CNOT4: variants seen among roughly 807,000 people sequenced by gnomAD.
The protein encoded by CNOT4 is CCR4-NOT transcription complex subunit 4.
A neutral mutation model predicts 73.8 loss-of-function variants in CNOT4; 8 were observed. The ratio of observed to expected loss-of-function variants is 0.11; its 90% CI spans 0.06 to 0.20. The LOEUF (loss-of-function observed/expected upper bound fraction) is 0.20, where lower values mean the gene tolerates loss of function less well. Among genes scored for constraint, CNOT4 ranks in the 10% least tolerant of loss-of-function variants. The pLI, the probability that CNOT4 is intolerant of heterozygous loss-of-function variation, is 1.00. For missense variants in CNOT4, 564 were observed against 883.4 expected, an observed-to-expected ratio of 0.64 and a Z score of 4.58; for synonymous variants, 293 against 321.1, an observed-to-expected ratio of 0.91 and a Z score of 0.94.
At chr7:135,480,569 C>G (rs1327904326) in intron 1 of CNOT4, among the ~76,000 whole-genome samples, 3 of 151,980 alleles carry the variant, frequency 2.0e-5, no homozygotes, top group Non-Finnish European at 4.4e-5. Context: ...GTATTTTTTT[C>G]TTTAAGAGAT....
chr7:135,466,865 T>C (rs1321832575), intron 1 of CNOT4, among the ~76,000 whole-genome samples: 3 of 152,232 alleles, frequency 2.0e-5, no homozygotes, highest in African/African-American at 7.2e-5. Context: ...GCATAGACTA[T>C]ACCAAATAGC....
In CNOT4 at chr7:135,393,946, G is replaced by T; in HGVS notation, c.1599C>A (p.Asn533Lys). ...CTACAGGGATCCCTCCCAGACCTGT[G>T]TTGTGCTGTGGCGGGAGATTCAAGT... ...FLDLNLPPQH[N>K]TGLGGIPVAD... Residue 533 changes from asparagine (N) to lysine (K), a missense_variant, in exon 10 of 12, where the codon AAC (asparagine) becomes AAA (lysine). Around this residue, in one of 10 missense-constraint regions of CNOT4, gnomAD observed 153 missense variants for 158.7 expected, o/e 0.96. Transcript: ENST00000541284. The T allele has an allele frequency of 6.2e-7, 1 of 1,613,206 alleles. No individual in the cohort carries two copies. The highest frequency in any genetic ancestry group is 8.5e-7 in the Non-Finnish European group (1 of 1,179,180).
chr7:135,423,593 A>C (rs1473302506), intron 2 of CNOT4, among the ~76,000 whole-genome samples: 1 of 152,136 alleles, frequency 6.6e-6, no homozygotes, highest in Non-Finnish European at 1.5e-5. Context: ...GAGGTCTCCA[A>C]GAACCCTATT....
chr7:135,417,320 C>G (rs184178621), intron 3 of CNOT4, among the ~76,000 whole-genome samples: 1 of 152,300 alleles, frequency 6.6e-6, no homozygotes, highest in East Asian at 1.9e-4. Flanking sequence ...CCTTGAATAG[C>G]AAGGTTCTAG....
chr7:135,375,105 G>A (rs1327211072), intron 10 of CNOT4, among the ~76,000 whole-genome samples: 1 of 152,078 alleles, frequency 6.6e-6, no homozygotes, highest in Non-Finnish European at 1.5e-5. Flanking sequence ...ATAAACATAA[G>A]GGAAAATACA....
chr7:135,433,182 C>T (rs567006009), intron 2 of CNOT4, among the ~76,000 whole-genome samples: 15 of 152,220 alleles, frequency 9.9e-5, no homozygotes, highest in African/African-American at 3.6e-4. Flanking sequence ...CTCAGATGAA[C>T]TTAATCTCTT....
At chr7:135,439,613 C>T (rs561379088) in intron 1 of CNOT4, among the ~76,000 whole-genome samples, 1 of 152,096 alleles carries the variant, frequency 6.6e-6, no homozygotes, top group South Asian at 2.1e-4. Flanking sequence ...GCCCTCATGT[C>T]TATAACAAAT....
At position 135,364,059 on chromosome 7, in the gene CNOT4, G is replaced by T; in HGVS notation, c.1635C>A (p.Ser545Arg). ...GLGGIPVADN[S>R]SSVESLNMKE... Reference sequence around the variant, plus strand: ...TCATATTTAAACTCTCTACAGAACTGCTGTTGTCTGGGAGATTTACCAACA... The same window carrying T: ...TCATATTTAAACTCTCTACAGAACTTCTGTTGTCTGGGAGATTTACCAACA... Residue 545 changes from serine (S) to arginine (R), a missense_variant, in exon 11 of 12, where the codon AGC becomes AGA. Ser to Arg is a moderately radical substitution (Grantham distance 110, BLOSUM62 -1). Coordinates refer to ENST00000541284, the MANE Select transcript of CNOT4 (RefSeq NM_001190850.2). This position sits in a 1 kb window ranked among gnomAD's most constrained non-coding sequence, Gnocchi z 4.3. 6.3e-7 allele frequency: 1 copy of T among 1,579,498 alleles called. No homozygotes were observed. Among genetic ancestry groups the T allele is most frequent in the Non-Finnish European group, 8.6e-7 (1 of 1,169,170 alleles).
intron 1 of CNOT4, among the ~76,000 whole-genome samples, chr7:135,449,724 T>G (rs907321172): frequency 1.3e-5 from 2 of 151,716 alleles, no homozygotes; most frequent in African/African-American, 4.8e-5. Context: ...AGTAAAATTA[T>G]AAAAAGACAT....
chr7:135,397,535 G>A (rs1465344524), intron 8 of CNOT4, among the ~76,000 whole-genome samples: 7 of 151,522 alleles, frequency 4.6e-5, no homozygotes, highest in East Asian at 1.9e-4. Context: ...TATTCTTTAC[G>A]GGAGATACTA....
chr7:135,436,996 A>G lies in CNOT4; in HGVS notation c.174+1162T>C, dbSNP rs1585641222. 7.2e-5 allele frequency among the ~76,000 whole-genome samples: 11 copies of G among 152,226 alleles called. No homozygotes were observed. The South Asian group carries it at 2.1e-3, about 29-fold the overall frequency. On this transcript the variant is annotated intron_variant, in intron 2 of 11. Transcript: ENST00000541284. ...CATTAAAGAAAAGGCAAATTCCATA[A>G]TAAAGTGGCAGATATTTGCATTAAT... is the stretch of plus-strand genomic sequence containing the variant.
chr7:135,493,653 G>C (rs900230118), intron 1 of CNOT4, among the ~76,000 whole-genome samples: 1 of 152,134 alleles, frequency 6.6e-6, no homozygotes, highest in Non-Finnish European at 1.5e-5. Context: ...CATAGAAAGG[G>C]AAAAGGGATA....
intron 1 of CNOT4, among the ~76,000 whole-genome samples, chr7:135,489,813 G>T (rs990839792): frequency 3.9e-5 from 6 of 151,968 alleles, no homozygotes; most frequent in Non-Finnish European, 8.8e-5. Context: ...CAGACCAAGA[G>T]ATTAAATATT....
At position 135,489,747 on chromosome 7, in the gene CNOT4, T is replaced by C. The variant is rs74370693; in HGVS notation, c.-93+20142A>G. Reference sequence around the variant, plus strand: ...AGTCCCATATGGCTAGTGGGTACCATACTGGACAATAAAGGTCTAAGAAAC... The same window carrying C: ...AGTCCCATATGGCTAGTGGGTACCACACTGGACAATAAAGGTCTAAGAAAC... On this transcript the variant is annotated intron_variant, in intron 1 of 11. Transcript: ENST00000541284. Among the ~76,000 whole-genome samples, 101 of 152,212 alleles carry C rather than the reference T, an allele frequency of 6.6e-4. 1 individual carries two copies. The East Asian group carries it at 0.018, about 27-fold the overall frequency.
chr7:135,428,191 C>T (rs534922995), intron 2 of CNOT4, among the ~76,000 whole-genome samples: 11 of 152,158 alleles, frequency 7.2e-5, no homozygotes, highest in African/African-American at 9.7e-5. Context: ...AACCTTTAAG[C>T]ACATGGCAGC....
At chr7:135,468,423 G>A (rs1451059311) in intron 1 of CNOT4, among the ~76,000 whole-genome samples, 3 of 152,118 alleles carry the variant, frequency 2.0e-5, no homozygotes, top group Non-Finnish European at 4.4e-5. Context: ...GCTCACACCT[G>A]TAGTCCGAAC....
At chr7:135,384,025 GAT>G (rs950301848) in intron 10 of CNOT4, among the ~76,000 whole-genome samples, 7 of 152,098 alleles carry the variant, frequency 4.6e-5, no homozygotes, top group Admixed American at 2.6e-4. Flanking sequence ...CAACTTTAGA[GAT>G]CTTTAAGCTG....
At chr7:135,415,440 A>G (rs140165790) in intron 3 of CNOT4, among the ~76,000 whole-genome samples, 178 bp from the exon 4 acceptor site, 1,758 of 152,234 alleles carry the variant, frequency 0.012, 39 homozygotes, top group African/African-American at 0.04. Context: ...GGAAATCAAA[A>G]GAGTTTAAAA....
intron 7 of CNOT4, among the ~76,000 whole-genome samples, chr7:135,408,098 T>C (rs1446000788): frequency 6.6e-6 from 1 of 152,038 alleles, no homozygotes; most frequent in African/African-American, 2.4e-5. Context: ...TTCAAGGAAA[T>C]AGGTACTCTC....
Sources: gnomAD v4.1 joint callset for allele counts (sites outside exome capture counted in the v4.1 genomes callset) on GRCh38, gnomAD v4.1.1 for gene constraint, gnomAD v4.1.1 regional missense constraint, Gnocchi (gnomAD v3.1) non-coding constraint, MANE v1.5 for transcripts, NCBI Gene and HGNC (gene_info 2026-07-23, HGNC 2026-07-21) for gene names.